The following SEC14L1 variants were observed in gnomAD, a reference collection of about 807,000 sequenced individuals.
SEC14L1 encodes SEC14 like lipid binding 1.
SEC14L1 carries 48 observed loss-of-function variants against 85.3 expected under a neutral mutation model. The ratio of observed to expected loss-of-function variants is 0.56; its 90% CI spans 0.45 to 0.72. SEC14L1 has a LOEUF of 0.72. Among genes scored for constraint, SEC14L1 ranks in the 30% least tolerant of loss-of-function variants. The probability of loss-of-function intolerance (pLI) is 0.00; values close to 1 mark genes in which losing one functional copy is unlikely to be tolerated. For missense variants in SEC14L1, 682 were observed against 921.4 expected (o/e 0.74, Z 3.36); for synonymous variants, 391 against 355.5 (o/e 1.10, Z -1.12).
Position 77,108,019 on chromosome 17 carries a change from C to G in SEC14L1, c.-136+14672C>G, listed in dbSNP as rs553150993. ...TCCGCCTCCCAAAGTGTTAAAATTA[C>G]AGGTGTGAGCCACTGCTCCCAGCCA... On this transcript the variant is annotated intron_variant, in intron 3 of 19. Transcript: ENST00000392476. 1.6e-3 allele frequency among the ~76,000 whole-genome samples: 241 copies of G among 152,260 alleles called. 2 individuals carry two copies. The highest frequency in any genetic ancestry group is 2.5e-3 in the Non-Finnish European group (168 of 68,016).
intron 3 of SEC14L1, among the ~76,000 whole-genome samples, chr17:77,168,345 G>A (rs62078332): frequency 8.6e-5 from 13 of 152,018 alleles, no homozygotes; most frequent in African/African-American, 2.7e-4. Flanking sequence ...TGTTCTTCTC[G>A]ATCACCTAGG....
intron 3 of SEC14L1, among the ~76,000 whole-genome samples, chr17:77,111,432 G>A (rs188092873): frequency 4.7e-5 from 7 of 148,186 alleles, no homozygotes; most frequent in Non-Finnish European, 8.9e-5. Flanking sequence ...TCGCTTTGTC[G>A]CCCAGGTTGG....
intron 3 of SEC14L1, among the ~76,000 whole-genome samples, chr17:77,154,414 G>C (rs12603721): frequency 2.0e-5 from 3 of 152,216 alleles, no homozygotes; most frequent in Admixed American, 2.0e-4. Context: ...TGAGGCTGCA[G>C]TGCCACTCTG....
intron 3 of SEC14L1, among the ~76,000 whole-genome samples, chr17:77,100,504 T>C (rs1971754605): frequency 7.3e-6 from 1 of 137,538 alleles, no homozygotes; most frequent in South Asian, 2.5e-4. Context: ...TGCTGTGATC[T>C]CGGCTCACTG....
intron 3 of SEC14L1, among the ~76,000 whole-genome samples, chr17:77,182,412 G>C (rs1001423219): frequency 6.6e-6 from 1 of 152,098 alleles, no homozygotes; most frequent in African/African-American, 2.4e-5. Flanking sequence ...GGTGTAGGAA[G>C]GTGGGAGGAA....
chr17:77,088,828 C>G (rs1188196867), exon 1 of SEC14L1: 1 of 153,152 alleles, frequency 6.5e-6, no homozygotes, highest in Admixed American at 6.5e-5. Flanking sequence ...GAATTGGGCT[C>G]GCCCCGGGAC....
chr17:77,178,060 C>T (rs564884239), intron 3 of SEC14L1, among the ~76,000 whole-genome samples: 1 of 147,098 alleles, frequency 6.8e-6, no homozygotes. Context: ...TCCCCTCCCC[C>T]CCCCCTTTTT....
intron 3 of SEC14L1, among the ~76,000 whole-genome samples, chr17:77,186,822 A>T (rs1382465276): frequency 6.6e-6 from 1 of 152,204 alleles, no homozygotes; most frequent in African/African-American, 2.4e-5. Flanking sequence ...TTTTTAGTAT[A>T]ATAATGGTCT....
At chr17:77,199,652 A>G (rs1272365788) in intron 8 of SEC14L1, 1 of 152,258 alleles carries the variant, frequency 6.6e-6, no homozygotes, top group Non-Finnish European at 1.5e-5. Flanking sequence ...GTATACAGAA[A>G]AGTGCAAGGA....
At chr17:77,191,013 G>T in intron 4 of SEC14L1, 61 bp downstream of exon 4, 1 of 1,594,454 alleles carries the variant, frequency 6.3e-7, no homozygotes. Flanking sequence ...GGGCGTCCTG[G>T]TGGGAGAGGG....
At chr17:77,211,864 T>C (rs967248480) in intron 14 of SEC14L1, 86 bp from the exon 15 acceptor site, 34 of 1,545,100 alleles carry the variant, frequency 2.2e-5, no homozygotes, top group African/African-American at 2.7e-5. Context: ...ACCTGCACCC[T>C]GGATCCCCTG....
intron 3 of SEC14L1, among the ~76,000 whole-genome samples, chr17:77,175,677 CAA>C (rs1040236531): frequency 2.0e-5 from 3 of 152,118 alleles, no homozygotes; most frequent in African/African-American, 7.2e-5. Context: ...TTCTATAAAA[CAA>C]AGAAAAATTT....
intron 13 of SEC14L1, among the ~76,000 whole-genome samples, chr17:77,208,325 G>T (rs143718257): frequency 7.2e-5 from 11 of 152,272 alleles, no homozygotes; most frequent in Middle Eastern, 3.4e-3. Flanking sequence ...GCTCAGGTTC[G>T]TAGAAACCTC....
At chr17:77,189,809 T>C (rs1270060260) in intron 3 of SEC14L1, among the ~76,000 whole-genome samples, 3 of 152,106 alleles carry the variant, frequency 2.0e-5, no homozygotes, top group Non-Finnish European at 4.4e-5. Flanking sequence ...TTTGTATCTT[T>C]AGTAGAGACG....
upstream of SEC14L1, among the ~76,000 whole-genome samples, chr17:77,137,181 T>C (rs1405809976): frequency 1.3e-5 from 2 of 152,188 alleles, no homozygotes; most frequent in Admixed American, 6.5e-5. Context: ...AGTGCTGGGA[T>C]TACAAGCGTG....
At chr17:77,200,417 C>A in intron 8 of SEC14L1, 67 bp from the exon 9 acceptor site, 1 of 1,330,682 alleles carries the variant, frequency 7.5e-7, no homozygotes, top group Non-Finnish European at 1.1e-6. Context: ...GATCCGTCCA[C>A]CGCAGCCTCC....
chr17:77,107,811 T>C (rs976790135), intron 3 of SEC14L1, among the ~76,000 whole-genome samples: 5 of 152,238 alleles, frequency 3.3e-5, no homozygotes, highest in African/African-American at 1.2e-4. Flanking sequence ...TGGAGCTTGC[T>C]GACACTATCA....
At chr17:77,098,040 G>C (rs1002309822) in intron 3 of SEC14L1, among the ~76,000 whole-genome samples, 12 of 152,152 alleles carry the variant, frequency 7.9e-5, no homozygotes, top group Non-Finnish European at 1.5e-4. Context: ...AAAAGGAGTT[G>C]ATGAGAGGGC....
intron 3 of SEC14L1, among the ~76,000 whole-genome samples, chr17:77,133,764 C>A (rs181723016): frequency 7.6e-4 from 116 of 151,960 alleles, no homozygotes; most frequent in African/African-American, 2.7e-3. Context: ...GATGGAGAAA[C>A]CCCGTCTCTA....
Sources: gnomAD v4.1 joint callset for allele counts (sites outside exome capture counted in the v4.1 genomes callset) on GRCh38, gnomAD v4.1.1 for gene constraint, MANE v1.5 for transcripts, NCBI Gene and HGNC (gene_info 2026-07-23, HGNC 2026-07-21) for gene names.